The following OSBPL2 variants were observed in gnomAD, a reference collection of about 807,000 sequenced individuals.
OSBPL2 encodes the protein oxysterol-binding protein-related protein 2.
OSBPL2 carries 18 observed loss-of-function variants against 58.4 expected under a neutral mutation model. The ratio of observed to expected loss-of-function variants is 0.31; its 90% CI spans 0.21 to 0.46. The LOEUF is 0.46. Ranked by LOEUF, OSBPL2 falls within the 20% of genes least tolerant of loss-of-function variation. OSBPL2 has a pLI of 1.00. For missense variants in OSBPL2, 461 were observed against 616.5 expected, an observed-to-expected ratio of 0.75 and a Z score of 2.67; for synonymous variants, 221 against 234.1, an observed-to-expected ratio of 0.94 and a Z score of 0.51.
chr20:62,283,242 G>T (rs979755634), intron 9 of OSBPL2, among the ~76,000 whole-genome samples: 1 of 152,152 alleles, frequency 6.6e-6, no homozygotes. Flanking sequence ...AAATTTAAGG[G>T]TGCTCTGTCC....
At chr20:62,250,999 C>T (rs1980486741) in intron 1 of OSBPL2, among the ~76,000 whole-genome samples, 1 of 148,892 alleles carries the variant, frequency 6.7e-6, no homozygotes, top group African/African-American at 2.5e-5. Context: ...AACTTGCCTT[C>T]TATTCTGGGA....
At chr20:62,272,516 C>T (rs1982128424) in intron 5 of OSBPL2, among the ~76,000 whole-genome samples, 1 of 152,236 alleles carries the variant, frequency 6.6e-6, no homozygotes, top group Non-Finnish European at 1.5e-5. Flanking sequence ...GAGACTCCGC[C>T]TCTTGGAGCT....
At chr20:62,255,120 T>C (rs1242861584) in intron 1 of OSBPL2, 2 of 147,462 alleles carry the variant, frequency 1.4e-5, no homozygotes, top group African/African-American at 5.1e-5. Context: ...TTTTTTGAGA[T>C]GGAGTCTCGC....
intron 6 of OSBPL2, among the ~76,000 whole-genome samples, chr20:62,276,675 A>T (rs1050985540): frequency 6.6e-6 from 1 of 152,190 alleles, no homozygotes; most frequent in Admixed American, 6.5e-5. Flanking sequence ...CCAGCAGGCA[A>T]CTGTCGGTCT....
rs1983734891 is a variant in OSBPL2, at chr20:62,294,492, A to G, written c.*605A>G. 1 of 152,858 alleles carries G rather than the reference A, an allele frequency of 6.5e-6. No individual in the cohort carries two copies. The highest frequency in any genetic ancestry group is 1.9e-4 in the East Asian group (1 of 5,210). The allele number at this position is 152,858 out of a possible 1,614,324, so 9.5% of individuals were successfully genotyped here. A position where few individuals can be genotyped will look rare whatever the true frequency, so the allele number is the denominator to read the frequency against. The stretch of plus-strand genomic sequence containing the variant: ...TTACTTTTAAAATATTTAAGTTAAA[A>G]CTACTTGAATAGTATTTTGCTGAAG... On this transcript the variant is annotated 3_prime_UTR_variant, in exon 14 of 14. Transcript: ENST00000313733.
At chr20:62,247,228 C>T (rs1288080290) in intron 1 of OSBPL2, among the ~76,000 whole-genome samples, 2 of 152,224 alleles carry the variant, frequency 1.3e-5, no homozygotes, top group South Asian at 2.1e-4. Context: ...TTGATGTGCA[C>T]GTCGGCTTGA....
intron 13 of OSBPL2, among the ~76,000 whole-genome samples, chr20:62,292,821 A>G (rs1013429454): frequency 6.6e-6 from 1 of 151,784 alleles, no homozygotes; most frequent in African/African-American, 2.4e-5. Flanking sequence ...GAATGGTTTG[A>G]TATTTGGAAT....
At chr20:62,244,385 G>A (rs568917886) in intron 1 of OSBPL2, among the ~76,000 whole-genome samples, 1 of 152,362 alleles carries the variant, frequency 6.6e-6, no homozygotes, top group Admixed American at 6.5e-5. Flanking sequence ...CGGGTCGGGG[G>A]CTGGCTGGAC....
chr20:62,258,019 C>T (rs1414218512), intron 2 of OSBPL2, among the ~76,000 whole-genome samples: 4 of 152,158 alleles, frequency 2.6e-5, no homozygotes, highest in African/African-American at 4.8e-5. Context: ...CTGGCCAACT[C>T]TGAGCTTTTT....
At position 62,244,400 on chromosome 20, in the gene OSBPL2, G is replaced by C. The variant is rs116541953; in HGVS notation, c.-129+5803G>C. 3.5e-3 allele frequency among the ~76,000 whole-genome samples: 535 copies of C among 152,322 alleles called. 2 individuals are homozygous for C. Among genetic ancestry groups the C allele is most frequent in the African/African-American group, 0.012 (501 of 41,584 alleles). On this transcript the variant is annotated intron_variant, in intron 1 of 13. Transcript: ENST00000313733. ...CGGGTCGGGGGCTGGCTGGACTGCT[G>C]CTGCCCTTGGAGTGCTCTCCCTGCC...
chr20:62,246,005 G>A (rs1003726742), intron 1 of OSBPL2, among the ~76,000 whole-genome samples: 10 of 152,258 alleles, frequency 6.6e-5, no homozygotes, highest in Non-Finnish European at 7.3e-5. Context: ...CGGTGTCCTT[G>A]ACGGCCCTCC....
chr20:62,291,936 A>AC (rs980570331), intron 13 of OSBPL2, 143 bp downstream of exon 13: 2 of 584,304 alleles, frequency 3.4e-6, no homozygotes, highest in African/African-American at 3.8e-5. Flanking sequence ...GCCTTCTCTC[A>AC]CCCCCACACC....
In OSBPL2 at chr20:62,290,420, T is replaced by TTTG. The variant is rs1261299440; in HGVS notation, c.1249+1092_1249+1093insGTT. ...CTGGCTAATTTTTTGGGTTTTTTTT[T>TTTG]TTTTTTTTTTTTTTGAGACGGAGTC... On this transcript the variant is annotated intron_variant, in intron 12 of 13. Transcript: ENST00000313733. Among the ~76,000 whole-genome samples, 157 of 136,070 alleles carry TTTG rather than the reference T, an allele frequency of 1.2e-3. 1 individual carries two copies. In the Middle Eastern group the frequency reaches 0.021, roughly 19 times the overall value. 89.3% of individuals were successfully genotyped at this position (136,070 alleles called of 152,430 possible). A position where few individuals can be genotyped will look rare whatever the true frequency, so the allele number is the denominator to read the frequency against.
chr20:62,240,747 C>CT (rs2042566777), intron 1 of OSBPL2, among the ~76,000 whole-genome samples: 1 of 152,182 alleles, frequency 6.6e-6, no homozygotes, highest in Non-Finnish European at 1.5e-5. Context: ...AATAGACTTT[C>CT]TTTTTTGTGA....
At chr20:62,257,715 AT>A (rs536036293) in intron 2 of OSBPL2, among the ~76,000 whole-genome samples, 3,021 of 129,130 alleles carry the variant, frequency 0.023, 78 homozygotes, top group African/African-American at 0.074. Flanking sequence ...ACCTCTGGCC[AT>A]TTTTTTTTTT....
At chr20:62,256,909 C>G (rs1034820025) in intron 2 of OSBPL2, among the ~76,000 whole-genome samples, 14 of 152,246 alleles carry the variant, frequency 9.2e-5, no homozygotes, top group African/African-American at 3.1e-4. Flanking sequence ...TCATTCTCCA[C>G]TCTTCTGTGC....
intron 1 of OSBPL2, among the ~76,000 whole-genome samples, chr20:62,246,219 G>A (rs1024241788): frequency 2.0e-5 from 3 of 152,246 alleles, no homozygotes; most frequent in African/African-American, 7.2e-5. Flanking sequence ...GCCCCATGGG[G>A]CCCCGGGACG....
intron 1 of OSBPL2, among the ~76,000 whole-genome samples, chr20:62,247,564 A>C (rs1400285274): frequency 6.6e-6 from 1 of 151,834 alleles, no homozygotes; most frequent in Admixed American, 6.6e-5. Flanking sequence ...CAGGAGGAGG[A>C]GCATTCTTTG....
chr20:62,262,846 C>T (rs375700641), intron 3 of OSBPL2, among the ~76,000 whole-genome samples: 2 of 152,136 alleles, frequency 1.3e-5, no homozygotes, highest in South Asian at 4.1e-4. Context: ...CTGGGGTGTC[C>T]CTGGAGGGCT....
Sources: allele counts gnomAD v4.1 joint callset (sites outside exome capture counted in the v4.1 genomes callset), GRCh38; gene constraint gnomAD v4.1.1; transcripts MANE v1.5; gene names NCBI Gene and HGNC (gene_info 2026-07-23, HGNC 2026-07-21).